SIRT1: variants seen among roughly 807,000 people sequenced by gnomAD.
SIRT1 encodes NAD-dependent protein deacetylase sirtuin-1.
In SIRT1, 24 loss-of-function variants were observed where a neutral mutation model predicts 67.9. That is an observed-to-expected ratio of 0.35 (90% CI 0.26 to 0.50). The LOEUF is 0.50. Ranked by LOEUF, SIRT1 falls within the 20% of genes least tolerant of loss-of-function variation. SIRT1 has a pLI of 0.98. For missense variants in SIRT1, 873 were observed against 937.2 expected, an observed-to-expected ratio of 0.93 and a Z score of 0.89; for synonymous variants, 378 against 350.7, an observed-to-expected ratio of 1.08 and a Z score of -0.87.
intron 7 of SIRT1, among the ~76,000 whole-genome samples, chr10:67,911,500 A>AC (rs1276012464): frequency 6.6e-6 from 1 of 151,956 alleles, no homozygotes; most frequent in African/African-American, 2.4e-5. Context: ...GTCCTTAAAA[A>AC]CTTTTCTTTC....
intron 4 of SIRT1, among the ~76,000 whole-genome samples, chr10:67,896,064 T>C (rs757097505): frequency 2.6e-4 from 39 of 152,288 alleles, no homozygotes; most frequent in African/African-American, 9.1e-4. Context: ...GACTGGAAAT[T>C]TCAAGTAATG....
At chr10:67,898,102 A>G (rs1842686927) in intron 4 of SIRT1, among the ~76,000 whole-genome samples, 1 of 151,216 alleles carries the variant, frequency 6.6e-6, no homozygotes, top group Non-Finnish European at 1.5e-5. Flanking sequence ...TCTACTAAAA[A>G]TACAAAAATT....
chr10:67,890,253 A>G (rs1308981038), intron 3 of SIRT1, among the ~76,000 whole-genome samples: 2 of 152,000 alleles, frequency 1.3e-5, no homozygotes, highest in Non-Finnish European at 2.9e-5. Context: ...ATGGGGTTTC[A>G]CCATATTGGC....
intron 1 of SIRT1, chr10:67,885,497 T>A (rs1359194108): frequency 2.3e-6 from 2 of 878,026 alleles, no homozygotes; most frequent in Non-Finnish European, 2.9e-6. Context: ...TCTTTTTCTT[T>A]ATTTTTTATT....
chr10:67,885,368 C>G, intron 1 of SIRT1: 1 of 1,233,120 alleles, frequency 8.1e-7, no homozygotes, highest in Non-Finnish European at 1.0e-6. Context: ...CGTGGCCCGC[C>G]TGGGCGGCCT....
In SIRT1 at chr10:67,888,955, G is replaced by A. The variant is rs201790133; in HGVS notation, c.621G>A (p.Pro207=). 2.0e-5 allele frequency: 33 copies of A among 1,613,670 alleles called. No homozygotes were observed. The highest frequency in any genetic ancestry group is 1.6e-4 in the Middle Eastern group (1 of 6,080). Reference sequence around the variant, plus strand: ...GAACAATTCTTAAAGATTTATTGCCGGAAACAATACCTCCACCTGAGTTGG... The same window carrying A: ...GAACAATTCTTAAAGATTTATTGCCAGAAACAATACCTCCACCTGAGTTGG... ...DPRTILKDLL[P]ETIPPPELDD... The change falls in exon 3 of 9, where the codon CCG becomes CCA. Residue 207 remains proline (P), a synonymous_variant. Coordinates refer to ENST00000212015, the MANE Select transcript of SIRT1 (RefSeq NM_012238.5).
At chr10:67,912,427 T>C in intron 7 of SIRT1, 47 bp from the exon 8 acceptor site, 1 of 1,502,186 alleles carries the variant, frequency 6.7e-7, no homozygotes, top group Non-Finnish European at 9.0e-7. Flanking sequence ...TTTATTAGCT[T>C]ACTTCCTCCT....
In SIRT1 at chr10:67,916,389, C is replaced by T. The variant is rs2029913038; in HGVS notation, c.2040C>T (p.Cys680=). ...GCAGTAACAGTGATAGTGGGACATG[C>T]CAGAGTCCAAGTTTAGAAGAACCCA... The part of the protein sequence containing the change: ...SCGSNSDSGT[C]QSPSLEEPME... Residue 680 remains cysteine (C), a synonymous_variant, in exon 9 of 9, where the codon TGC becomes TGT. Transcript: ENST00000212015. The T allele has an allele frequency of 6.2e-7, 1 of 1,614,078 alleles. No individual in the cohort carries two copies. Among genetic ancestry groups the T allele is most frequent in the Non-Finnish European group, 8.5e-7 (1 of 1,180,020 alleles).
At chr10:67,895,244 AC>A (rs937289715) in intron 4 of SIRT1, among the ~76,000 whole-genome samples, 1 of 151,876 alleles carries the variant, frequency 6.6e-6, no homozygotes, top group Admixed American at 6.6e-5. Context: ...ACACAGCAAT[AC>A]CCCGTCTCTA....
At chr10:67,904,490 A>G (rs1295918023) in intron 4 of SIRT1, among the ~76,000 whole-genome samples, 2 of 152,108 alleles carry the variant, frequency 1.3e-5, no homozygotes, top group Non-Finnish European at 2.9e-5. Context: ...GACATGGCCC[A>G]TTTCATACTT....
intron 5 of SIRT1, 149 bp from the exon 6 acceptor site, chr10:67,907,897 T>C: frequency 1.7e-6 from 1 of 595,838 alleles, no homozygotes; most frequent in South Asian, 2.4e-5. Flanking sequence ...CTGCAGTGTG[T>C]TCTGAGGTTT....
chr10:67,908,866 C>G (rs1309130595), intron 6 of SIRT1, among the ~76,000 whole-genome samples: 1 of 152,154 alleles, frequency 6.6e-6, no homozygotes, highest in Non-Finnish European at 1.5e-5. Flanking sequence ...CATGCCACTT[C>G]ACTCCAGGCT....
chr10:67,893,541 CTTTTT>C (rs537770097), intron 4 of SIRT1, among the ~76,000 whole-genome samples: 1 of 131,482 alleles, frequency 7.6e-6, no homozygotes. Flanking sequence ...ATGAACCTAG[CTTTTT>C]TTTTTTTTTT....
chr10:67,888,266 A>T (rs912796963), intron 2 of SIRT1, among the ~76,000 whole-genome samples: 3 of 152,150 alleles, frequency 2.0e-5, no homozygotes, highest in African/African-American at 7.2e-5. Flanking sequence ...GATTATTTAA[A>T]CATAGTGAAG....
In SIRT1 at chr10:67,895,733, G is replaced by GTTTTTTTTTTTTTTT. The variant is rs1297235964; in HGVS notation, c.942+4193_942+4194insTTTTTTTTTTTTTTT. ...GTATGTGATTATTGAGAATTAACTT[G>GTTTTTTTTTTTTTTT]TTTTTTTTTTTTTTGTTTTTTTTTT... On this transcript the variant is annotated intron_variant, in intron 4 of 8. Transcript: ENST00000212015. Among the ~76,000 whole-genome samples, 16 of 42,728 alleles carry GTTTTTTTTTTTTTTT rather than the reference G, an allele frequency of 3.7e-4. 6 individuals are homozygous for GTTTTTTTTTTTTTTT. Among genetic ancestry groups the GTTTTTTTTTTTTTTT allele is most frequent in the African/African-American group, 5.0e-4 (6 of 12,120 alleles). The allele number at this position is 42,728 out of a possible 152,430, so 28.0% of individuals were successfully genotyped here.
Position 67,909,248 on chromosome 10 carries a change from A to C in SIRT1, c.1171-8A>C. On this transcript the variant is annotated splice_region_variant and splice_polypyrimidine_tract_variant and intron_variant, in intron 6 of 8. Coordinates refer to ENST00000212015, the MANE Select transcript of SIRT1 (RefSeq NM_012238.5). The stretch of plus-strand genomic sequence containing the variant: ...TCTCTACCTCAACCAAAATCTGAAA[A>C]TATGTAGGTAGTTCCTCGATGTCCT... The C allele has an allele frequency of 6.4e-7, 1 of 1,565,184 alleles. No homozygotes were observed. The highest frequency in any genetic ancestry group is 8.6e-7 in the Non-Finnish European group (1 of 1,160,854).
chr10:67,898,290 A>G (rs1347353635), intron 4 of SIRT1, among the ~76,000 whole-genome samples: 1 of 151,590 alleles, frequency 6.6e-6, no homozygotes, highest in Non-Finnish European at 1.5e-5. Context: ...AAAAAAAAAG[A>G]AAAGGGACTA....
intron 4 of SIRT1, among the ~76,000 whole-genome samples, chr10:67,894,858 T>A (rs1842628114): frequency 6.6e-6 from 1 of 152,078 alleles, no homozygotes; most frequent in South Asian, 2.1e-4. Flanking sequence ...TACAGGCACG[T>A]GCCATCACGA....
At chr10:67,910,814 T>C (rs1304869662) in intron 7 of SIRT1, among the ~76,000 whole-genome samples, 4 of 152,224 alleles carry the variant, frequency 2.6e-5, no homozygotes, top group Admixed American at 6.5e-5. Context: ...ACTGTCTGTT[T>C]CCTCCTCTAG....
Sources: allele counts gnomAD v4.1 joint callset (sites outside exome capture counted in the v4.1 genomes callset), GRCh38; gene constraint gnomAD v4.1.1; transcripts MANE v1.5; gene names NCBI Gene and HGNC (gene_info 2026-07-23, HGNC 2026-07-21).